ANKS6: variants seen among roughly 807,000 people sequenced by gnomAD.
The protein encoded by ANKS6 is ankyrin repeat and sterile alpha motif domain containing 6, also known as ankyrin repeat and SAM domain-containing protein 6.
Under a neutral mutation model 77.9 loss-of-function variants are expected in ANKS6, and 47 were observed. The observed-to-expected ratio is 0.60, with a 90% CI of 0.48 to 0.77. The LOEUF (loss-of-function observed/expected upper bound fraction) is 0.77. ANKS6 is among the 30% of genes least tolerant of loss of function. ANKS6 has a pLI of 0.00. For synonymous variants in ANKS6, 488 were observed against 501.7 expected (o/e 0.97, Z 0.37); for missense variants, 1,150 against 1,159.1 (o/e 0.99, Z 0.11).
At chr9:98,795,246 C>T (rs1373305622) in intron 1 of ANKS6, among the ~76,000 whole-genome samples, 2 of 152,174 alleles carry the variant, frequency 1.3e-5, no homozygotes, top group Non-Finnish European at 2.9e-5. Context: ...GCAGCAAACT[C>T]TACCTAACCA....
In ANKS6 at chr9:98,754,243, C is replaced by T. The variant is rs377093900; in HGVS notation, c.2326+2177G>A. 7.9e-5 allele frequency among the ~76,000 whole-genome samples: 12 copies of T among 152,282 alleles called. No individual in the cohort carries two copies. The East Asian group carries it at 1.7e-3, about 22-fold the overall frequency. On this transcript the variant is annotated intron_variant, in intron 12 of 14. Transcript: ENST00000353234. ...GCTGTCACCAGCCTTGCTGCTTCAA[C>T]AGGTGGAGTCCAGAGAGGAGGAATG...
chr9:98,735,071 C>T lies in ANKS6; in HGVS notation c.*1448G>A. On this transcript the variant is annotated 3_prime_UTR_variant, in exon 15 of 15. Coordinates refer to ENST00000353234, the MANE Select transcript of ANKS6 (RefSeq NM_173551.5). ...TGAGAGATGGCACCTCCCAAGGAGA[C>T]CAACTTGTGGCTCAGCATGGCTCAA... is the stretch of plus-strand genomic sequence containing the variant. 1.0e-6 allele frequency: 1 copy of T among 985,408 alleles called. No individual in the cohort carries two copies. Among genetic ancestry groups the T allele is most frequent in the Non-Finnish European group, 1.2e-6 (1 of 829,936 alleles). The allele number at this position is 985,408 out of a possible 1,614,324, so 61.0% of individuals were successfully genotyped here.
At chr9:98,750,196 ACT>A (rs988016901) in intron 13 of ANKS6, among the ~76,000 whole-genome samples, 107 of 152,012 alleles carry the variant, frequency 7.0e-4, no homozygotes, top group African/African-American at 2.5e-3. Context: ...CCTCCACCCA[ACT>A]CTCTGGCAAC....
At chr9:98,769,624 T>C (rs988926416) in intron 10 of ANKS6, among the ~76,000 whole-genome samples, 3 of 152,176 alleles carry the variant, frequency 2.0e-5, no homozygotes, top group Non-Finnish European at 1.5e-5. Context: ...TACAGAGCAG[T>C]TTATAGTTTA....
chr9:98,746,261 A>T (rs958853933), intron 13 of ANKS6, among the ~76,000 whole-genome samples: 1 of 152,202 alleles, frequency 6.6e-6, no homozygotes, highest in African/African-American at 2.4e-5. Context: ...ACAGGAAATC[A>T]GGCCCTCTGC....
At chr9:98,786,644 T>A (rs1834588644) in intron 2 of ANKS6, among the ~76,000 whole-genome samples, 1 of 152,204 alleles carries the variant, frequency 6.6e-6, no homozygotes, top group Non-Finnish European at 1.5e-5. Context: ...ACACAGTATA[T>A]CAATTTTGCC....
At chr9:98,774,165 TG>T in intron 8 of ANKS6, 85 bp from the exon 9 acceptor site, 1 of 1,242,778 alleles carries the variant, frequency 8.0e-7, no homozygotes, top group Non-Finnish European at 1.0e-6. Flanking sequence ...TCCTGCTTCT[TG>T]GGGCATGGCA....
At chr9:98,760,462 C>A (rs187909233) in intron 11 of ANKS6, among the ~76,000 whole-genome samples, 1 of 152,188 alleles carries the variant, frequency 6.6e-6, no homozygotes, top group Non-Finnish European at 1.5e-5. Context: ...CATCCTGGAG[C>A]TACTTAGGGG....
intron 4 of ANKS6, among the ~76,000 whole-genome samples, chr9:98,783,311 C>T (rs964297915): frequency 6.6e-6 from 1 of 152,080 alleles, no homozygotes; most frequent in African/African-American, 2.4e-5. Flanking sequence ...AATAAGAAAA[C>T]AAACTGTTTT....
Position 98,737,126 on chromosome 9 carries a change from C to G in ANKS6, c.2512-503G>C, listed in dbSNP as rs77461177. Among the ~76,000 whole-genome samples, 1,055 of 152,296 alleles carry G rather than the reference C, an allele frequency of 6.9e-3. 9 individuals carry two copies. The highest frequency in any genetic ancestry group is 0.024 in the African/African-American group (1,007 of 41,562). ...TCTATTCCTACAACGCCCCCTGCCC[C>G]CTATACACACATTTTCAGATGAGAA... On this transcript the variant is annotated intron_variant, in intron 14 of 14. Coordinates refer to ENST00000353234, the MANE Select transcript of ANKS6 (RefSeq NM_173551.5).
In ANKS6 at chr9:98,735,006, G is replaced by C. The variant is rs1281800361; in HGVS notation, c.*1513C>G. On this transcript the variant is annotated 3_prime_UTR_variant, in exon 15 of 15. Coordinates refer to ENST00000353234, the MANE Select transcript of ANKS6 (RefSeq NM_173551.5). ...AGTTAACGACAGCCTCTGAAAGCCA[G>C]CATAGGGGAATGGGCTTTCATGGCT... is the stretch of plus-strand genomic sequence containing the variant. The C allele has an allele frequency of 4.5e-5, 44 of 985,352 alleles. No individual in the cohort carries two copies. Among genetic ancestry groups the C allele is most frequent in the Non-Finnish European group, 5.1e-5 (42 of 829,960 alleles). The allele number at this position is 985,352 out of a possible 1,614,324, so 61.0% of individuals were successfully genotyped here.
intron 11 of ANKS6, among the ~76,000 whole-genome samples, chr9:98,761,524 T>G (rs1833008475): frequency 6.6e-6 from 1 of 152,224 alleles, no homozygotes; most frequent in Non-Finnish European, 1.5e-5. Context: ...ATGGTATCTT[T>G]TACCAGGCAA....
At chr9:98,761,250 C>G (rs1832987457) in intron 11 of ANKS6, among the ~76,000 whole-genome samples, 1 of 151,912 alleles carries the variant, frequency 6.6e-6, no homozygotes, top group Admixed American at 6.6e-5. Flanking sequence ...ATTGAGGGTT[C>G]TTTATTTAGT....
intron 6 of ANKS6, among the ~76,000 whole-genome samples, chr9:98,779,210 G>C (rs1486396941): frequency 2.0e-5 from 3 of 152,174 alleles, no homozygotes; most frequent in Non-Finnish European, 4.4e-5. Flanking sequence ...CATAAAGTAA[G>C]TTTGATTTCA....
intron 12 of ANKS6, among the ~76,000 whole-genome samples, chr9:98,753,620 C>CA (rs34295529): frequency 0.7 from 100,878 of 144,586 alleles, 35,137 homozygotes; most frequent in African/African-American, 0.73. Flanking sequence ...GACCCTATCT[C>CA]AAAAAAAAAA....
chr9:98,756,317 G>T, intron 12 of ANKS6, 103 bp downstream of exon 12: 1 of 1,296,672 alleles, frequency 7.7e-7, no homozygotes, highest in Non-Finnish European at 1.1e-6. Context: ...CTTAAAACCT[G>T]ACCTAGGATG....
intron 5 of ANKS6, among the ~76,000 whole-genome samples, chr9:98,781,179 C>T (rs568301760): frequency 1.3e-5 from 2 of 152,280 alleles, no homozygotes; most frequent in Admixed American, 6.5e-5. Flanking sequence ...GGATTATGGG[C>T]GTGAGCCATC....
At chr9:98,759,424 A>G (rs924509054) in intron 11 of ANKS6, among the ~76,000 whole-genome samples, 12 of 152,228 alleles carry the variant, frequency 7.9e-5, no homozygotes, top group Admixed American at 7.2e-4. Context: ...TTCAAGTCTG[A>G]CATGATCTAT....
chr9:98,758,611 A>G (rs1167701255), intron 11 of ANKS6, among the ~76,000 whole-genome samples: 2 of 152,174 alleles, frequency 1.3e-5, no homozygotes, highest in African/African-American at 4.8e-5. Context: ...ATCTACTTTT[A>G]TATCTACTAA....
Sources: allele counts gnomAD v4.1 joint callset (sites outside exome capture counted in the v4.1 genomes callset), GRCh38; gene constraint gnomAD v4.1.1; transcripts MANE v1.5; gene names NCBI Gene and HGNC (gene_info 2026-07-23, HGNC 2026-07-21).